PTPRD: variants seen among roughly 807,000 people sequenced by gnomAD.
PTPRD encodes protein tyrosine phosphatase receptor type D.
Under a neutral mutation model 214.5 loss-of-function variants are expected in PTPRD, and 34 were observed. The observed-to-expected ratio is 0.16, with a 90% CI of 0.12 to 0.21. The LOEUF (loss-of-function observed/expected upper bound fraction) is 0.21. Among genes scored for constraint, PTPRD ranks in the 10% least tolerant of loss-of-function variants. PTPRD has a pLI of 1.00. For missense variants in PTPRD, 2,545 were observed against 2,398.7 expected, an observed-to-expected ratio of 1.06 and a Z score of -1.27; for synonymous variants, 1,128 against 845.7, an observed-to-expected ratio of 1.33 and a Z score of -5.79.
intron 2 of PTPRD, among the ~76,000 whole-genome samples, chr9:10,457,941 A>C (rs116028829): frequency 0.014 from 2,080 of 152,120 alleles, 34 homozygotes; most frequent in African/African-American, 0.045. Context: ...TACACCAACA[A>C]ATTTGATAAA....
chr9:8,725,004 T>A lies in PTPRD; in HGVS notation c.64+8776A>T, dbSNP rs183145719. Among the ~76,000 whole-genome samples the A allele has an allele frequency of 5.2e-3, 788 of 152,268 alleles. 1 individual carries two copies. The highest frequency in any genetic ancestry group is 9.3e-3 in the Non-Finnish European group (630 of 68,016). On this transcript the variant is annotated intron_variant, in intron 12 of 45. Coordinates refer to ENST00000381196, the MANE Select transcript of PTPRD (RefSeq NM_002839.4). Reference sequence around the variant, plus strand: ...AAACTGGTAAAATCTAAATAACACATGTAGTTTAGTTAACAGTACTGTGCA... The same window carrying A: ...AAACTGGTAAAATCTAAATAACACAAGTAGTTTAGTTAACAGTACTGTGCA...
intron 3 of PTPRD, among the ~76,000 whole-genome samples, chr9:10,271,372 T>C (rs1442573728): frequency 9.8e-6 from 1 of 101,962 alleles, no homozygotes; most frequent in Non-Finnish European, 2.6e-5. Flanking sequence ...AATTAAAATT[T>C]AAAGAGTAAC....
At chr9:9,931,509 C>T (rs1051553831) in intron 5 of PTPRD, among the ~76,000 whole-genome samples, 3 of 152,232 alleles carry the variant, frequency 2.0e-5, no homozygotes, top group African/African-American at 7.2e-5. Flanking sequence ...GAATACTGCG[C>T]TTTTCCGACG....
intron 10 of PTPRD, among the ~76,000 whole-genome samples, chr9:9,024,041 T>C (rs1326650902): frequency 6.6e-6 from 1 of 151,844 alleles, no homozygotes; most frequent in Non-Finnish European, 1.5e-5. Context: ...ATTTACAAAA[T>C]ACATTGAAGA....
intron 5 of PTPRD, among the ~76,000 whole-genome samples, chr9:9,832,920 A>G (rs2055392837): frequency 1.3e-5 from 2 of 151,730 alleles, no homozygotes; most frequent in Non-Finnish European, 2.9e-5. Context: ...ATGAGAGAGG[A>G]AAAAAAGTCC....
intron 11 of PTPRD, among the ~76,000 whole-genome samples, chr9:8,821,535 T>C (rs939164472): frequency 2.6e-5 from 4 of 152,310 alleles, no homozygotes; most frequent in Admixed American, 2.6e-4. Context: ...GAAATCCCCC[T>C]TTCCCCTAAG....
At chr9:9,474,054 T>C (rs1157144758) in intron 8 of PTPRD, among the ~76,000 whole-genome samples, 1 of 152,126 alleles carries the variant, frequency 6.6e-6, no homozygotes. Flanking sequence ...TCCTGAAGTG[T>C]TTCCCCTATA....
At chr9:8,612,741 G>C (rs1170508881) in intron 14 of PTPRD, among the ~76,000 whole-genome samples, 2 of 152,202 alleles carry the variant, frequency 1.3e-5, no homozygotes, top group African/African-American at 4.8e-5. Flanking sequence ...CCTGAGGCTG[G>C]TGGGACCACC....
intron 9 of PTPRD, among the ~76,000 whole-genome samples, chr9:9,211,007 A>G (rs2099948186): frequency 6.6e-6 from 1 of 152,072 alleles, no homozygotes; most frequent in Non-Finnish European, 1.5e-5. Flanking sequence ...AGATAAACAT[A>G]GTTCCTTAAT....
rs1306475666 is a variant in PTPRD at position 10,425,813 on chromosome 9, CAATT to C, written c.-599-84800_-599-84797del. The stretch of plus-strand genomic sequence containing the variant: ...TAATTAAACTAATAGCAGGCTGACT[CAATT>C]ATTATAAAATATATTAAAACACATG... On this transcript the variant is annotated intron_variant, in intron 2 of 45. Coordinates refer to ENST00000381196, the MANE Select transcript of PTPRD (RefSeq NM_002839.4). Among the ~76,000 whole-genome samples the C allele has an allele frequency of 2.6e-5, 4 of 151,910 alleles. No homozygotes were observed. The East Asian group carries it at 7.8e-4, about 30-fold the overall frequency.
chr9:9,421,097 A>G (rs2078640398), intron 8 of PTPRD, among the ~76,000 whole-genome samples: 1 of 152,030 alleles, frequency 6.6e-6, no homozygotes, highest in African/African-American at 2.4e-5. Flanking sequence ...ATTTGTAAAT[A>G]TACAATTTAT....
chr9:9,676,696 C>A (rs7044190), intron 7 of PTPRD, among the ~76,000 whole-genome samples: 150,367 of 152,146 alleles, frequency 0.99, 74,321 homozygotes, highest in Middle Eastern at 1. Context: ...CCTGAGGAAT[C>A]GCCACACTGA....
chr9:9,741,964 T>C (rs753215614), intron 6 of PTPRD, among the ~76,000 whole-genome samples: 1 of 152,224 alleles, frequency 6.6e-6, no homozygotes, highest in Non-Finnish European at 1.5e-5. Context: ...CCTTTGGGTA[T>C]ATACCTAGTA....
chr9:9,762,177 A>G (rs983840789), intron 6 of PTPRD, among the ~76,000 whole-genome samples: 1 of 152,148 alleles, frequency 6.6e-6, no homozygotes, highest in African/African-American at 2.4e-5. Flanking sequence ...AGTAGCCCTG[A>G]TAACTTCCCT....
At chr9:9,946,218 A>G (rs1417612497) in intron 4 of PTPRD, among the ~76,000 whole-genome samples, 3 of 152,158 alleles carry the variant, frequency 2.0e-5, no homozygotes, top group Non-Finnish European at 4.4e-5. Context: ...ACAAGCAATT[A>G]TACATCTTGC....
intron 9 of PTPRD, among the ~76,000 whole-genome samples, chr9:9,319,025 CA>C (rs1248422335): frequency 6.6e-6 from 1 of 152,216 alleles, no homozygotes; most frequent in Non-Finnish European, 1.5e-5. Flanking sequence ...AAGCTTTCCT[CA>C]AACAGCAGTG....
intron 14 of PTPRD, among the ~76,000 whole-genome samples, chr9:8,570,993 T>C (rs941925623): frequency 2.0e-5 from 3 of 151,854 alleles, no homozygotes; most frequent in East Asian, 1.9e-4. Flanking sequence ...AGAAGTGAAA[T>C]TGTTTCCACA....
chr9:9,114,345 T>C (rs558844598), intron 10 of PTPRD, among the ~76,000 whole-genome samples: 34 of 152,244 alleles, frequency 2.2e-4, no homozygotes, highest in African/African-American at 7.5e-4. Context: ...TGTAAAATGA[T>C]AAGAATCGTT....
chr9:8,933,999 A>C (rs183384948), intron 11 of PTPRD, among the ~76,000 whole-genome samples: 1 of 152,126 alleles, frequency 6.6e-6, no homozygotes. Flanking sequence ...GAAATGAAAG[A>C]TTGGGCTCTA....
Sources: gnomAD v4.1 joint callset for allele counts (sites outside exome capture counted in the v4.1 genomes callset) on GRCh38, gnomAD v4.1.1 for gene constraint, MANE v1.5 for transcripts, NCBI Gene and HGNC (gene_info 2026-07-23, HGNC 2026-07-21) for gene names.